KLHDC8A: variants seen among roughly 807,000 people sequenced by gnomAD.
KLHDC8A encodes the protein kelch domain-containing protein 8A.
In KLHDC8A, 21 loss-of-function variants were observed where a neutral mutation model predicts 33.1. That is an observed-to-expected ratio of 0.64 (90% CI 0.45 to 0.91). KLHDC8A has a LOEUF of 0.91. Ranked by LOEUF, KLHDC8A falls within the 40% of genes least tolerant of loss-of-function variation. The pLI, the probability that KLHDC8A is intolerant of heterozygous loss-of-function variation, is 0.00. For missense variants in KLHDC8A, 435 were observed against 483.3 expected (o/e 0.90, Z 0.94); for synonymous variants, 173 against 193.5 (o/e 0.89, Z 0.88).
At position 205,337,020 on chromosome 1, in the gene KLHDC8A, A is replaced by G; in HGVS notation, c.*379T>C. 1 of 222,728 alleles carries G rather than the reference A, an allele frequency of 4.5e-6. No homozygotes were observed. The highest frequency in any genetic ancestry group is 9.0e-6 in the Non-Finnish European group (1 of 110,794). 13.8% of individuals were successfully genotyped at this position (222,728 alleles called of 1,614,324 possible). A position where few individuals can be genotyped will look rare whatever the true frequency, so the allele number is the denominator to read the frequency against. ...CTTAAAACTAGTTCAGAGCTGGGGAAAGACAGCAACAGCAGTCTATCCTCT... is the reference window on the plus strand; with the variant it reads ...CTTAAAACTAGTTCAGAGCTGGGGAGAGACAGCAACAGCAGTCTATCCTCT... On this transcript the variant is annotated 3_prime_UTR_variant, in exon 6 of 6. Coordinates refer to ENST00000367155, the MANE Select transcript of KLHDC8A (RefSeq NM_018203.3).
chr1:205,355,436 A>G (rs1030093916), intron 1 of KLHDC8A, among the ~76,000 whole-genome samples: 3 of 152,160 alleles, frequency 2.0e-5, no homozygotes, highest in Non-Finnish European at 4.4e-5. Flanking sequence ...TCCCGTTTCT[A>G]TAGAACTTCA....
Position 205,339,507 on chromosome 1 carries a change from C to T in KLHDC8A, c.542-98G>A, listed in dbSNP as rs1662730599. On this transcript the variant is annotated intron_variant, in intron 3 of 5. Transcript: ENST00000367155. This position sits in a 1 kb window ranked among gnomAD's most constrained non-coding sequence, Gnocchi z 5.1. ...CCCTTTTGACAGTTACTCATTCATACAGGAAGCTCCCGGTGGGCTGGGCAG... is the reference window on the plus strand; with the variant it reads ...CCCTTTTGACAGTTACTCATTCATATAGGAAGCTCCCGGTGGGCTGGGCAG... 7.0e-7 allele frequency: 1 copy of T among 1,422,038 alleles called. No individual in the cohort carries two copies. Among genetic ancestry groups the T allele is most frequent in the East Asian group, 2.4e-5 (1 of 42,414 alleles). 88.1% of individuals were successfully genotyped at this position (1,422,038 alleles called of 1,614,324 possible).
At chr1:205,353,366 C>T (rs1474919981) in intron 1 of KLHDC8A, among the ~76,000 whole-genome samples, 1 of 152,180 alleles carries the variant, frequency 6.6e-6, no homozygotes, top group Non-Finnish European at 1.5e-5. Flanking sequence ...TTGTCTATGG[C>T]GGCTTTCCCA....
intron 1 of KLHDC8A, among the ~76,000 whole-genome samples, chr1:205,345,000 G>T (rs890460678): frequency 6.6e-6 from 1 of 152,114 alleles, no homozygotes; most frequent in Non-Finnish European, 1.5e-5. Context: ...GCACCAACTC[G>T]CAGGGCTTGA....
chr1:205,349,548 T>A (rs11808825), intron 1 of KLHDC8A, among the ~76,000 whole-genome samples: 1 of 151,912 alleles, frequency 6.6e-6, no homozygotes, highest in Non-Finnish European at 1.5e-5. Context: ...GAAGGAAGGG[T>A]TGGGAAGCCA....
chr1:205,356,361 G>A (rs962127536), intron 1 of KLHDC8A, among the ~76,000 whole-genome samples, 172 bp downstream of exon 1: 2 of 152,076 alleles, frequency 1.3e-5, no homozygotes, highest in African/African-American at 2.4e-5. Context: ...AAGCTAGAGA[G>A]GCCCAGCTGA....
chr1:205,345,673 G>A (rs766895114), intron 1 of KLHDC8A, among the ~76,000 whole-genome samples: 5 of 152,150 alleles, frequency 3.3e-5, no homozygotes, highest in Admixed American at 1.3e-4. Context: ...CCTGGGAGGC[G>A]GAGATTGCAG....
chr1:205,353,256 G>T (rs1241406364), intron 1 of KLHDC8A, among the ~76,000 whole-genome samples: 2 of 152,074 alleles, frequency 1.3e-5, no homozygotes, highest in African/African-American at 2.4e-5. Context: ...AAAATCAAAA[G>T]AAAAATATTT....
chr1:205,337,723 G>A (rs1662674915), intron 5 of KLHDC8A, 131 bp from the exon 6 acceptor site: 2 of 638,574 alleles, frequency 3.1e-6, no homozygotes, highest in Non-Finnish European at 5.4e-6. Context: ...TTGGCTACAG[G>A]ATTACTCCCT....
In KLHDC8A at chr1:205,343,773, C is replaced by T; in HGVS notation, c.-169G>A. On this transcript the variant is annotated 5_prime_UTR_variant, in exon 2 of 6. Coordinates refer to ENST00000367155, the MANE Select transcript of KLHDC8A (RefSeq NM_018203.3). ...CACCGTGCCCCGAGTCTCAGCGGTCCGGCGGCGTCCACGCCTGGCCCTGCG... is the reference window on the plus strand; with the variant it reads ...CACCGTGCCCCGAGTCTCAGCGGTCTGGCGGCGTCCACGCCTGGCCCTGCG... 2.7e-6 allele frequency: 2 copies of T among 738,848 alleles called. No homozygotes were observed. The highest frequency in any genetic ancestry group is 4.2e-6 in the Non-Finnish European group (2 of 480,776). 45.8% of individuals were successfully genotyped at this position (738,848 alleles called of 1,614,324 possible).
At chr1:205,341,540 C>G (rs1392576678) in intron 2 of KLHDC8A, among the ~76,000 whole-genome samples, 1 of 152,198 alleles carries the variant, frequency 6.6e-6, no homozygotes, top group Non-Finnish European at 1.5e-5. Context: ...CCTTTCAGAC[C>G]CATCTGGGCG....
At chr1:205,340,692 C>G (rs983234773) in intron 2 of KLHDC8A, among the ~76,000 whole-genome samples, 1 of 152,198 alleles carries the variant, frequency 6.6e-6, no homozygotes, top group Non-Finnish European at 1.5e-5. Context: ...CCAGGCTGGT[C>G]TCAAACTCCT....
rs1430885500 is a variant in KLHDC8A at position 205,349,581 on chromosome 1, C to T, written c.-189-5788G>A. On this transcript the variant is annotated intron_variant, in intron 1 of 5. Coordinates refer to ENST00000367155, the MANE Select transcript of KLHDC8A (RefSeq NM_018203.3). ...CCACACGCTCCTCTGCTGTTTAGTG[C>T]GTGCGGGAAGGTATGCTTCTCAAAG... Among the ~76,000 whole-genome samples, 10 of 152,276 alleles carry T rather than the reference C, an allele frequency of 6.6e-5. No individual in the cohort carries two copies. The South Asian group carries it at 1.0e-3, about 16-fold the overall frequency.
At chr1:205,342,823 AGGACTTAGTGAAACGC>A (rs139498251) in intron 2 of KLHDC8A, among the ~76,000 whole-genome samples, 91,208 of 151,910 alleles carry the variant, frequency 0.6, 27,436 homozygotes, top group South Asian at 0.69. Flanking sequence ...GCATGCCCTG[AGGACTTAGTGAAACGC>A]GGCCAGACAT....
intron 2 of KLHDC8A, among the ~76,000 whole-genome samples, chr1:205,342,079 C>T (rs1305334961): frequency 6.6e-6 from 1 of 152,230 alleles, no homozygotes; most frequent in Non-Finnish European, 1.5e-5. Context: ...CCATTCAGTG[C>T]CATAGTAAGA....
chr1:205,353,586 A>AGTGC (rs1257238146), intron 1 of KLHDC8A, among the ~76,000 whole-genome samples: 1 of 152,108 alleles, frequency 6.6e-6, no homozygotes, highest in Non-Finnish European at 1.5e-5. Context: ...CCCAGGCTGG[A>AGTGC]GTGCAGTGGC....
At chr1:205,341,190 C>T (rs2102282051) in intron 2 of KLHDC8A, among the ~76,000 whole-genome samples, 1 of 152,244 alleles carries the variant, frequency 6.6e-6, no homozygotes, top group East Asian at 1.9e-4. Context: ...CTGTGTTTCC[C>T]TGGGTCCCAC....
chr1:205,355,913 A>G (rs540133976), intron 1 of KLHDC8A, among the ~76,000 whole-genome samples: 2 of 152,338 alleles, frequency 1.3e-5, no homozygotes, highest in East Asian at 1.9e-4. Context: ...GTGTATGTAC[A>G]TAGTAGGTAG....
intron 1 of KLHDC8A, among the ~76,000 whole-genome samples, chr1:205,352,985 T>C (rs760916050): frequency 3.9e-5 from 6 of 152,226 alleles, no homozygotes; most frequent in Non-Finnish European, 8.8e-5. Flanking sequence ...CCACTAGGGA[T>C]CCAGTGTGTC....
Sources: gnomAD v4.1 joint callset for allele counts (sites outside exome capture counted in the v4.1 genomes callset) on GRCh38, gnomAD v4.1.1 for gene constraint, Gnocchi (gnomAD v3.1) non-coding constraint, MANE v1.5 for transcripts, NCBI Gene and HGNC (gene_info 2026-07-23, HGNC 2026-07-21) for gene names.